DOK5: variants seen among roughly 807,000 people sequenced by gnomAD.
DOK5 encodes the protein docking protein 5.
DOK5 carries 27 observed loss-of-function variants against 43.3 expected under a neutral mutation model. The observed-to-expected ratio is 0.62, with a 90% confidence interval of 0.46 to 0.86. DOK5 has a LOEUF of 0.86. DOK5 is among the 40% of genes least tolerant of loss of function. DOK5 has a pLI of 0.00. For synonymous variants in DOK5, 146 were observed against 140.1 expected (o/e 1.04, Z -0.30); for missense variants, 373 against 392.9 (o/e 0.95, Z 0.43).
chr20:54,640,829 C>T, intron 6 of DOK5, among the ~76,000 whole-genome samples: 1 of 152,116 alleles, frequency 6.6e-6, no homozygotes, highest in East Asian at 1.9e-4. Context: ...TCAAATAACC[C>T]CTACCTCTAA....
chr20:54,546,344 A>C (rs1984344507), intron 1 of DOK5, among the ~76,000 whole-genome samples: 1 of 152,238 alleles, frequency 6.6e-6, no homozygotes, highest in Non-Finnish European at 1.5e-5. Context: ...AAGTGCCAAT[A>C]GGAGTAGCAC....
chr20:54,588,639 C>G (rs1397089213), intron 3 of DOK5, 42 bp downstream of exon 3: 1 of 1,614,018 alleles, frequency 6.2e-7, no homozygotes, highest in Non-Finnish European at 8.5e-7. Flanking sequence ...CTTTTAGATT[C>G]TGAATGGATG....
At chr20:54,479,679 G>C (rs1287791816) in intron 1 of DOK5, among the ~76,000 whole-genome samples, 17 of 152,034 alleles carry the variant, frequency 1.1e-4, no homozygotes, top group Admixed American at 3.9e-4. Context: ...ACATTTCTGT[G>C]CTCTTGTCTA....
intron 6 of DOK5, among the ~76,000 whole-genome samples, chr20:54,641,341 T>C (rs1171151963): frequency 1.3e-5 from 2 of 152,158 alleles, no homozygotes; most frequent in Non-Finnish European, 2.9e-5. Flanking sequence ...TTATAATCTT[T>C]TTTTCAAGTT....
chr20:54,547,080 G>A (rs1328053813), intron 1 of DOK5, among the ~76,000 whole-genome samples: 1 of 152,150 alleles, frequency 6.6e-6, no homozygotes, highest in Non-Finnish European at 1.5e-5. Flanking sequence ...TACTACCGTA[G>A]ACCAGAGGTT....
At chr20:54,623,804 C>T (rs1235752585) in intron 6 of DOK5, among the ~76,000 whole-genome samples, 1 of 152,202 alleles carries the variant, frequency 6.6e-6, no homozygotes, top group Non-Finnish European at 1.5e-5. Flanking sequence ...TGGTCTCGAT[C>T]TCCTGACCTC....
chr20:54,508,963 G>A lies in DOK5; in HGVS notation c.66+32951G>A, dbSNP rs530994872. Reference sequence around the variant, plus strand: ...ACGATCTCGGCTCACTGCAACCTCCGTCTCCCTGGTTCATGCGATTCTCCT... The same window carrying A: ...ACGATCTCGGCTCACTGCAACCTCCATCTCCCTGGTTCATGCGATTCTCCT... On this transcript the variant is annotated intron_variant, in intron 1 of 7. Coordinates refer to ENST00000262593, the MANE Select transcript of DOK5 (RefSeq NM_018431.5). Among the ~76,000 whole-genome samples, 11 of 151,632 alleles carry A rather than the reference G, an allele frequency of 7.3e-5. 1 individual carries two copies. The East Asian group carries it at 1.8e-3, about 24-fold the overall frequency.
At chr20:54,561,211 G>T (rs765940464) in intron 2 of DOK5, among the ~76,000 whole-genome samples, 16 of 152,160 alleles carry the variant, frequency 1.1e-4, no homozygotes, top group Non-Finnish European at 8.8e-5. Context: ...GGCCCCCTCT[G>T]CCTGGATGCA....
At position 54,605,048 on chromosome 20, in the gene DOK5, T is replaced by C. The variant is rs1476281727; in HGVS notation, c.600-5340T>C. Among the ~76,000 whole-genome samples the C allele has an allele frequency of 7.6e-3, 901 of 118,410 alleles. 9 individuals are homozygous for C. The highest frequency in any genetic ancestry group is 0.035 in the African/African-American group (819 of 23,696). The allele number at this position is 118,410 out of a possible 152,430, so 77.7% of individuals were successfully genotyped here. A position where few individuals can be genotyped will look rare whatever the true frequency, so the allele number is the denominator to read the frequency against. On this transcript the variant is annotated intron_variant, in intron 5 of 7. Transcript: ENST00000262593. ...ATACACACACACACACACACACACG[T>C]ATACACACACACACGTTGAGGTCAA...
Position 54,480,943 on chromosome 20 carries a change from CT to C in DOK5, c.66+4932del, listed in dbSNP as rs1178886432. The stretch of plus-strand genomic sequence containing the variant: ...TATCTATCAATCATCTATCATCTAT[CT>C]ATCTATCATCTATCTATCATCTATC... On this transcript the variant is annotated intron_variant, in intron 1 of 7. Coordinates refer to ENST00000262593, the MANE Select transcript of DOK5 (RefSeq NM_018431.5). Among the ~76,000 whole-genome samples the C allele has an allele frequency of 5.0e-4, 66 of 132,958 alleles. 1 individual carries two copies. The highest frequency in any genetic ancestry group is 1.4e-3 in the African/African-American group (40 of 29,580). The allele number at this position is 132,958 out of a possible 152,430, so 87.2% of individuals were successfully genotyped here.
intron 2 of DOK5, among the ~76,000 whole-genome samples, chr20:54,568,714 A>C (rs1985175443): frequency 6.6e-6 from 1 of 152,044 alleles, no homozygotes; most frequent in African/African-American, 2.4e-5. Flanking sequence ...GTGGATCACG[A>C]GGTAAGGAGA....
chr20:54,635,049 C>T (rs1377513028), intron 6 of DOK5, among the ~76,000 whole-genome samples: 1 of 152,154 alleles, frequency 6.6e-6, no homozygotes, highest in East Asian at 1.9e-4. Flanking sequence ...ACCAGTTCAG[C>T]CCATGATGGG....
At chr20:54,581,958 T>A (rs1985657285) in intron 2 of DOK5, among the ~76,000 whole-genome samples, 1 of 152,002 alleles carries the variant, frequency 6.6e-6, no homozygotes, top group South Asian at 2.1e-4. Flanking sequence ...GTTGGCACCT[T>A]TTGACTTGCT....
At chr20:54,621,044 A>G (rs1036797121) in intron 6 of DOK5, among the ~76,000 whole-genome samples, 3 of 152,256 alleles carry the variant, frequency 2.0e-5, no homozygotes, top group Admixed American at 2.0e-4. Flanking sequence ...GAAGAGAGTC[A>G]TATATAATCA....
chr20:54,584,774 TACACACACAC>T (rs139033675), intron 2 of DOK5, among the ~76,000 whole-genome samples: 1 of 146,592 alleles, frequency 6.8e-6, no homozygotes, highest in South Asian at 2.2e-4. Context: ...TATCTAGATA[TACACACACAC>T]ACACACACAC....
At chr20:54,517,190 C>A (rs1568763358) in intron 1 of DOK5, among the ~76,000 whole-genome samples, 1 of 152,144 alleles carries the variant, frequency 6.6e-6, no homozygotes, top group Non-Finnish European at 1.5e-5. Context: ...AGTTCTAACC[C>A]CTTCTTGTCT....
At chr20:54,500,320 AC>A (rs1162080140) in intron 1 of DOK5, among the ~76,000 whole-genome samples, 2 of 152,172 alleles carry the variant, frequency 1.3e-5, no homozygotes, top group African/African-American at 2.4e-5. Flanking sequence ...CTAAATTTGA[AC>A]ACTGGACACG....
chr20:54,512,496 TAC>T (rs1325984228), intron 1 of DOK5, among the ~76,000 whole-genome samples: 1 of 152,208 alleles, frequency 6.6e-6, no homozygotes, highest in Non-Finnish European at 1.5e-5. Context: ...TTGTCATTTA[TAC>T]ACAGTTTATT....
chr20:54,502,707 A>G (rs776828744), intron 1 of DOK5, among the ~76,000 whole-genome samples: 1 of 152,062 alleles, frequency 6.6e-6, no homozygotes, highest in Non-Finnish European at 1.5e-5. Flanking sequence ...TTCTCTAACT[A>G]CCTTGTGTCA....
Sources: allele counts gnomAD v4.1 joint callset (sites outside exome capture counted in the v4.1 genomes callset), GRCh38; gene constraint gnomAD v4.1.1; transcripts MANE v1.5; gene names NCBI Gene and HGNC (gene_info 2026-07-23, HGNC 2026-07-21).